The following CC2D2A variants were observed in gnomAD, a reference collection of about 807,000 sequenced individuals.
The protein encoded by CC2D2A is coiled-coil and C2 domain containing 2A, also known as coiled-coil and C2 domain-containing protein 2A.
CC2D2A carries 155 observed loss-of-function variants against 212.9 expected under a neutral mutation model. The observed-to-expected ratio is 0.73, with a 90% CI of 0.64 to 0.83. The LOEUF (loss-of-function observed/expected upper bound fraction) is 0.83, where lower values mean the gene tolerates loss of function less well. Ranked by LOEUF, CC2D2A falls within the 40% of genes least tolerant of loss-of-function variation. The pLI, the probability that CC2D2A is intolerant of heterozygous loss-of-function variation, is 0.00. For synonymous variants in CC2D2A, 667 were observed against 686.5 expected, an observed-to-expected ratio of 0.97 and a Z score of 0.44; for missense variants, 1,856 against 1,956.2, an observed-to-expected ratio of 0.95 and a Z score of 0.97.
At chr4:15,502,302 G>A (rs1261270487) in intron 4 of CC2D2A, 127 bp from the exon 5 acceptor site, 2 of 709,942 alleles carry the variant, frequency 2.8e-6, no homozygotes, top group Non-Finnish European at 4.6e-6. Flanking sequence ...ATAAAATTAT[G>A]TTCTCTTATT....
At chr4:15,490,717 G>A (rs775553613) in intron 4 of CC2D2A, among the ~76,000 whole-genome samples, 43 of 151,972 alleles carry the variant, frequency 2.8e-4, no homozygotes, top group Non-Finnish European at 4.1e-4. Flanking sequence ...CCCAATTTCC[G>A]CCTCTAAGGA....
At chr4:15,539,644 C>T (rs139735814) in intron 16 of CC2D2A, among the ~76,000 whole-genome samples, 8 of 152,248 alleles carry the variant, frequency 5.3e-5, no homozygotes, top group African/African-American at 1.4e-4. Context: ...TATACATAAA[C>T]TATTCCCCTG....
chr4:15,476,087 A>C, intron 2 of CC2D2A, 116 bp downstream of exon 2: 1 of 828,770 alleles, frequency 1.2e-6, no homozygotes, highest in Non-Finnish European at 1.9e-6. Flanking sequence ...TGTTAAAAGA[A>C]AAGCTTTACA....
At chr4:15,502,027 C>T (rs1242452476) in intron 4 of CC2D2A, among the ~76,000 whole-genome samples, 1 of 152,174 alleles carries the variant, frequency 6.6e-6, no homozygotes, top group Non-Finnish European at 1.5e-5. Context: ...ATTCATTAGC[C>T]ACCCATTCAC....
chr4:15,488,183 A>G (rs1216916712), intron 4 of CC2D2A, among the ~76,000 whole-genome samples: 3 of 152,124 alleles, frequency 2.0e-5, no homozygotes, highest in African/African-American at 7.2e-5. Context: ...CTTATTGCTC[A>G]TTAGCATTCT....
rs1718163724 is a variant in CC2D2A at position 15,536,956 on chromosome 4, T to G, written c.1644T>G (p.Tyr548Ter). 5 of 1,613,824 alleles carry G rather than the reference T, an allele frequency of 3.1e-6. No individual in the cohort carries two copies. The highest frequency in any genetic ancestry group is 4.2e-6 in the Non-Finnish European group (5 of 1,179,798). Reference sequence around the variant, plus strand: ...ACCAGAAAGCAGATGAAGAAGCATATGAAGCAGAAATTCAAGCTGAAATAA... The same window carrying G: ...ACCAGAAAGCAGATGAAGAAGCATAGGAAGCAGAAATTCAAGCTGAAATAA... ...KADQKADEEA[Y>*]EAEIQAEISE... The change falls in exon 15 of 37, where the codon TAT becomes TAG. Residue 548 changes from tyrosine (Y) to a stop codon, truncating the protein, a stop_gained. Transcript: ENST00000424120. LOFTEE classifies it high-confidence loss of function.
intron 30 of CC2D2A, among the ~76,000 whole-genome samples, chr4:15,584,871 A>G (rs1370522907): frequency 6.6e-6 from 1 of 152,232 alleles, no homozygotes; most frequent in Non-Finnish European, 1.5e-5. Flanking sequence ...AAAGAAGACA[A>G]ATGTCCAACA....
intron 13 of CC2D2A, among the ~76,000 whole-genome samples, chr4:15,532,701 T>C (rs1422586047): frequency 6.6e-6 from 1 of 152,246 alleles, no homozygotes; most frequent in African/African-American, 2.4e-5. Flanking sequence ...TTGCAAATGA[T>C]GCCTCTTCAG....
At chr4:15,517,738 C>T (rs888796091) in intron 11 of CC2D2A, among the ~76,000 whole-genome samples, 16 of 152,054 alleles carry the variant, frequency 1.1e-4, no homozygotes, top group Admixed American at 2.0e-4. Context: ...TCTGTTATCA[C>T]GCTGCTGATA....
In CC2D2A at chr4:15,569,397, CTCAGTTT is replaced by C; in HGVS notation, c.3495+10_3495+16del. 6.6e-7 allele frequency: 1 copy of C among 1,509,966 alleles called. No homozygotes were observed. The highest frequency in any genetic ancestry group is 1.9e-5 in the Admixed American group (1 of 51,998). 93.5% of individuals were successfully genotyped at this position (1,509,966 alleles called of 1,614,324 possible). Reference sequence around the variant, plus strand: ...CTGCATGATGTCTTAGAGGTAAGTTCTCAGTTTTAAGAAAGACACTTGTATTCACTTT... The same window carrying C: ...CTGCATGATGTCTTAGAGGTAAGTTCTAAGAAAGACACTTGTATTCACTTT... On this transcript the variant is annotated intron_variant, in intron 27 of 36. Coordinates refer to ENST00000424120, the MANE Select transcript of CC2D2A (RefSeq NM_001378615.1).
intron 18 of CC2D2A, among the ~76,000 whole-genome samples, chr4:15,551,935 T>C (rs1317594058): frequency 6.6e-6 from 1 of 152,178 alleles, no homozygotes; most frequent in Non-Finnish European, 1.5e-5. Flanking sequence ...CCAGCTCTGA[T>C]ATTGGCAAGC....
chr4:15,536,852 T>C, intron 14 of CC2D2A, 68 bp from the exon 15 acceptor site: 1 of 1,446,730 alleles, frequency 6.9e-7, no homozygotes, highest in Non-Finnish European at 9.5e-7. Flanking sequence ...AATATAAGTA[T>C]TTGCTGTTAT....
chr4:15,533,249 C>G lies in CC2D2A; in HGVS notation c.1523C>G (p.Thr508Ser). ...EQEKDRTLLK[T>S]IIKVWKEMKS... is the part of the protein sequence containing the mutation. The stretch of plus-strand genomic sequence containing the variant: ...GAAAAAGATAGAACATTGCTTAAGA[C>G]TATCATAAAAGTTTGGAAAGAGATG... Residue 508 changes from threonine (T) to serine (S), a missense_variant, in exon 14 of 37, where the codon ACT becomes AGT. Thr to Ser is a moderately conservative substitution (Grantham distance 58). This residue lies in a region of CC2D2A where 1,512 missense variants were observed against 1,579.3 expected (regional missense o/e 0.96). Coordinates refer to ENST00000424120, the MANE Select transcript of CC2D2A (RefSeq NM_001378615.1). 4 of 1,602,042 alleles carry G rather than the reference C, an allele frequency of 2.5e-6. No individual in the cohort carries two copies. The highest frequency in any genetic ancestry group is 3.4e-6 in the Non-Finnish European group (4 of 1,176,230).
intron 29 of CC2D2A, 122 bp from the exon 30 acceptor site, chr4:15,579,846 C>T: frequency 1.3e-6 from 1 of 744,028 alleles, no homozygotes; most frequent in Non-Finnish European, 2.3e-6. Flanking sequence ...GACATGACAG[C>T]TTTGTAAGGA....
chr4:15,549,849 G>C (rs746356957), intron 17 of CC2D2A, among the ~76,000 whole-genome samples: 3 of 152,200 alleles, frequency 2.0e-5, no homozygotes, highest in African/African-American at 4.8e-5. Flanking sequence ...AGGGTTGGCG[G>C]AAAGAATCCA....
intron 29 of CC2D2A, among the ~76,000 whole-genome samples, chr4:15,576,900 C>A (rs1338474275): frequency 2.0e-5 from 3 of 152,222 alleles, no homozygotes; most frequent in African/African-American, 4.8e-5. Context: ...CTACTCTTTG[C>A]AAATCTATAA....
At position 15,580,415 on chromosome 4, in the gene CC2D2A, A is replaced by T. The variant is rs560545022; in HGVS notation, c.3975+244A>T. 1.3e-3 allele frequency among the ~76,000 whole-genome samples: 197 copies of T among 152,320 alleles called. 2 individuals carry two copies. Among genetic ancestry groups the T allele is most frequent in the African/African-American group, 4.5e-3 (189 of 41,578 alleles). The stretch of plus-strand genomic sequence containing the variant: ...CACTTTGGGAGGCCAAGGCGGGCAG[A>T]TGACTTGAGGCCAGGAGTTTGACAC... On this transcript the variant is annotated intron_variant, in intron 30 of 36. Transcript: ENST00000424120.
chr4:15,596,812 T>C (rs1169754816), intron 34 of CC2D2A, among the ~76,000 whole-genome samples: 1 of 152,174 alleles, frequency 6.6e-6, no homozygotes, highest in Admixed American at 6.5e-5. Context: ...TTGCTTGAAA[T>C]AGCATAAGAG....
At chr4:15,596,270 T>C in intron 34 of CC2D2A, 63 bp downstream of exon 34, 2 of 1,396,196 alleles carry the variant, frequency 1.4e-6, no homozygotes, top group Non-Finnish European at 1.9e-6. Flanking sequence ...TATACTGGGT[T>C]ACAAGATATT....
Sources: gnomAD v4.1 joint callset for allele counts (sites outside exome capture counted in the v4.1 genomes callset) on GRCh38, gnomAD v4.1.1 for gene constraint, gnomAD v4.1.1 regional missense constraint, MANE v1.5 for transcripts, NCBI Gene and HGNC (gene_info 2026-07-23, HGNC 2026-07-21) for gene names.